Variants in ABCA1 observed in about 807,000 individuals in gnomAD.
ABCA1 encodes the protein ATP binding cassette subfamily A member 1.
Under a neutral mutation model 262.5 loss-of-function variants are expected in ABCA1, and 133 were observed. That is an observed-to-expected ratio of 0.51 (90% CI 0.44 to 0.59). The LOEUF (loss-of-function observed/expected upper bound fraction) is 0.59. Among genes scored for constraint, ABCA1 ranks in the 20% least tolerant of loss-of-function variants. The pLI is 0.00. For synonymous variants in ABCA1, 1,022 were observed against 1,043.5 expected (o/e 0.98, Z 0.40); for missense variants, 2,452 against 2,777.5 (o/e 0.88, Z 2.63).
At chr9:104,911,387 G>A (rs935777485) in intron 1 of ABCA1, among the ~76,000 whole-genome samples, 3 of 152,128 alleles carry the variant, frequency 2.0e-5, no homozygotes, top group South Asian at 2.1e-4. Flanking sequence ...TCTTTGGATC[G>A]GTAGCCACGT....
chr9:104,886,847 AG>A (rs1839220758), intron 3 of ABCA1, among the ~76,000 whole-genome samples: 2 of 152,240 alleles, frequency 1.3e-5, no homozygotes, highest in African/African-American at 4.8e-5. Context: ...GAACTGGGGA[AG>A]ATTTACAGAG....
intron 42 of ABCA1, 64 bp downstream of exon 42, chr9:104,792,722 T>C: frequency 1.9e-6 from 3 of 1,611,420 alleles, no homozygotes; most frequent in Non-Finnish European, 2.5e-6. Flanking sequence ...AGCAAACTGC[T>C]GGGTTACAGC....
intron 9 of ABCA1, among the ~76,000 whole-genome samples, chr9:104,839,024 A>G (rs1417830472): frequency 6.6e-6 from 1 of 152,196 alleles, no homozygotes; most frequent in Non-Finnish European, 1.5e-5. Context: ...ACAATAAAGT[A>G]CAAAACCTGC....
chr9:104,857,527 T>C (rs2472441), intron 7 of ABCA1, among the ~76,000 whole-genome samples: 2 of 151,656 alleles, frequency 1.3e-5, no homozygotes, highest in Non-Finnish European at 2.9e-5. Flanking sequence ...CCACCACACC[T>C]GGCCGATACA....
At chr9:104,847,924 G>A (rs2119061063) in intron 7 of ABCA1, among the ~76,000 whole-genome samples, 1 of 152,152 alleles carries the variant, frequency 6.6e-6, no homozygotes, top group African/African-American at 2.4e-5. Flanking sequence ...TATATGTATA[G>A]ACATACATAC....
chr9:104,786,950 G>A lies in ABCA1; in HGVS notation c.6231C>T (p.Pro2077=). ...AATTCCACAAGAACCGCCGGGCTTTGGGATCCATGCCTGTGGTGGGTTCAT... is the reference window on the plus strand; with the variant it reads ...AATTCCACAAGAACCGCCGGGCTTTAGGATCCATGCCTGTGGTGGGTTCAT... ...FLDEPTTGMD[P]KARRFLWNCA... is the part of the protein sequence containing the mutation. The change falls in exon 47 of 50, where the codon CCC becomes CCT. Residue 2077 remains proline (P), a synonymous_variant. Coordinates refer to ENST00000374736, the MANE Select transcript of ABCA1 (RefSeq NM_005502.4). 1 of 1,614,008 alleles carries A rather than the reference G, an allele frequency of 6.2e-7. No individual in the cohort carries two copies. Among genetic ancestry groups the A allele is most frequent in the African/African-American group, 1.3e-5 (1 of 75,004 alleles).
At chr9:104,879,879 G>C (rs939172386) in intron 5 of ABCA1, among the ~76,000 whole-genome samples, 1 of 152,206 alleles carries the variant, frequency 6.6e-6, no homozygotes, top group African/African-American at 2.4e-5. Flanking sequence ...AACCAGAGGA[G>C]AGGCAGAAAT....
chr9:104,846,515 C>G (rs1477954839), intron 7 of ABCA1, among the ~76,000 whole-genome samples: 1 of 152,198 alleles, frequency 6.6e-6, no homozygotes, highest in Non-Finnish European at 1.5e-5. Context: ...GTAGACTACA[C>G]AAGAAAATGT....
rs182374319 is a variant in ABCA1 at position 104,924,467 on chromosome 9, G to A, written c.-93+3468C>T. On this transcript the variant is annotated intron_variant, in intron 1 of 49. Transcript: ENST00000374736. ...CCTACTAAAAACACAAAAACTAGCC[G>A]GGTGTGGTGGCACGCACCTGTAATC... Among the ~76,000 whole-genome samples, 162 of 151,958 alleles carry A rather than the reference G, an allele frequency of 1.1e-3. 1 individual carries two copies. The highest frequency in any genetic ancestry group is 2.1e-3 in the Non-Finnish European group (141 of 67,968).
At chr9:104,801,982 C>T (rs991699372) in intron 34 of ABCA1, 72 bp downstream of exon 34, 4 of 1,391,962 alleles carry the variant, frequency 2.9e-6, no homozygotes, top group Non-Finnish European at 4.1e-6. Flanking sequence ...ATCCGTTTAA[C>T]CTGCCAACTA....
At position 104,838,277 on chromosome 9, in the gene ABCA1, C is replaced by T. The variant is rs555734228; in HGVS notation, c.1055-710G>A. Among the ~76,000 whole-genome samples the T allele has an allele frequency of 9.5e-4, 127 of 133,776 alleles. 2 individuals are homozygous for T. Among genetic ancestry groups the T allele is most frequent in the African/African-American group, 3.4e-3 (121 of 35,304 alleles). The allele number at this position is 133,776 out of a possible 152,430, so 87.8% of individuals were successfully genotyped here. A position where few individuals can be genotyped will look rare whatever the true frequency, so the allele number is the denominator to read the frequency against. On this transcript the variant is annotated intron_variant, in intron 9 of 49. Transcript: ENST00000374736. Reference sequence around the variant, plus strand: ...GAGATTGTGTCACTGCACTCTAGCCCGGGCAACAAGAGCGAAACTCTGTCT... The same window carrying T: ...GAGATTGTGTCACTGCACTCTAGCCTGGGCAACAAGAGCGAAACTCTGTCT...
At chr9:104,821,293 G>A in intron 20 of ABCA1, 82 bp downstream of exon 20, 2 of 1,558,598 alleles carry the variant, frequency 1.3e-6, no homozygotes, top group Non-Finnish European at 1.7e-6. Flanking sequence ...AAAGTAAAAT[G>A]CTTAAGTCCC....
chr9:104,885,887 G>A (rs1195611161), intron 3 of ABCA1, among the ~76,000 whole-genome samples: 2 of 152,178 alleles, frequency 1.3e-5, no homozygotes, highest in Non-Finnish European at 2.9e-5. Context: ...TGAAGAACAA[G>A]TAGCTTCACA....
chr9:104,915,470 C>T (rs1841788615), intron 1 of ABCA1, among the ~76,000 whole-genome samples: 1 of 152,162 alleles, frequency 6.6e-6, no homozygotes, highest in South Asian at 2.1e-4. Context: ...AATAAGATCA[C>T]AAGTTTAAAT....
chr9:104,903,676 C>A lies in ABCA1; in HGVS notation c.4G>T (p.Ala2Ser). M[A>S]CWPQLRLLLW... ...AGCAACCTCAGCTGAGGCCAACAAGCCATGTTCCCTCAGCCAGCACCCCCA... is the reference window on the plus strand; with the variant it reads ...AGCAACCTCAGCTGAGGCCAACAAGACATGTTCCCTCAGCCAGCACCCCCA... The change falls in exon 2 of 50, where the codon GCT (alanine) becomes TCT (serine). Residue 2 changes from alanine to serine, a missense_variant. By Grantham distance (99) the Ala-to-Ser change is moderately conservative. Around this residue, in one of 4 missense-constraint regions of ABCA1, gnomAD observed 1,032 missense variants for 1,089.7 expected, o/e 0.95. Coordinates refer to ENST00000374736, the MANE Select transcript of ABCA1 (RefSeq NM_005502.4). 6.3e-7 allele frequency: 1 copy of A among 1,579,568 alleles called. No individual in the cohort carries two copies. The highest frequency in any genetic ancestry group is 2.3e-5 in the East Asian group (1 of 43,468).
chr9:104,861,232 C>G (rs1026599552), intron 6 of ABCA1, among the ~76,000 whole-genome samples: 1 of 152,188 alleles, frequency 6.6e-6, no homozygotes, highest in Non-Finnish European at 1.5e-5. Flanking sequence ...AGTGCCACTG[C>G]GTCCAGCCCT....
At chr9:104,820,169 C>G in intron 20 of ABCA1, 100 bp from the exon 21 acceptor site, 1 of 1,453,426 alleles carries the variant, frequency 6.9e-7, no homozygotes, top group Non-Finnish European at 9.6e-7. Context: ...ATTTTTCTCT[C>G]CCCGTGCTTT....
At chr9:104,891,409 A>C (rs1195188711) in intron 2 of ABCA1, among the ~76,000 whole-genome samples, 1 of 151,602 alleles carries the variant, frequency 6.6e-6, no homozygotes, top group Non-Finnish European at 1.5e-5. Context: ...AAAATACAAA[A>C]TTTTAGTGAA....
At chr9:104,889,988 T>C (rs981653842) in intron 2 of ABCA1, among the ~76,000 whole-genome samples, 1 of 152,202 alleles carries the variant, frequency 6.6e-6, no homozygotes, top group Non-Finnish European at 1.5e-5. Context: ...AGGAAAACCC[T>C]GCCTCAGTGA....
Sources: gnomAD v4.1 joint callset for allele counts (sites outside exome capture counted in the v4.1 genomes callset) on GRCh38, gnomAD v4.1.1 for gene constraint, gnomAD v4.1.1 regional missense constraint, MANE v1.5 for transcripts, NCBI Gene and HGNC (gene_info 2026-07-23, HGNC 2026-07-21) for gene names.